The following PPL variants were observed in gnomAD, a reference collection of about 807,000 sequenced individuals.
The protein encoded by PPL is periplakin, also known as 190 kDa paraneoplastic pemphigus antigen.
Under a neutral mutation model 194.4 loss-of-function variants are expected in PPL, and 198 were observed. The ratio of observed to expected loss-of-function variants is 1.02; its 90% CI spans 0.91 to 1.15. The LOEUF (loss-of-function observed/expected upper bound fraction) is 1.15, where lower values mean the gene tolerates loss of function less well. PPL is among the 50% of genes most tolerant of loss of function. The probability of loss-of-function intolerance (pLI) is 0.00; values close to 1 mark genes in which losing one functional copy is unlikely to be tolerated. For synonymous variants in PPL, 1,220 were observed against 972.4 expected (o/e 1.25, Z -4.74); for missense variants, 2,885 against 2,294.8 (o/e 1.26, Z -5.25).
At chr16:4,907,586 G>A (rs2142378355) in intron 2 of PPL, among the ~76,000 whole-genome samples, 1 of 152,176 alleles carries the variant, frequency 6.6e-6, no homozygotes, top group East Asian at 1.9e-4. Context: ...TAAGGGTGTG[G>A]GGTTTGGCTC....
intron 13 of PPL, 36 bp from the exon 14 acceptor site, chr16:4,893,406 A>G: frequency 6.3e-7 from 1 of 1,599,888 alleles, no homozygotes; most frequent in Non-Finnish European, 8.5e-7. Context: ...AGGTGTGACA[A>G]CGGGCCAGGG....
chr16:4,911,408 T>C (rs551720702), intron 1 of PPL, among the ~76,000 whole-genome samples: 2 of 152,026 alleles, frequency 1.3e-5, no homozygotes, highest in African/African-American at 2.4e-5. Context: ...GTGATCCACC[T>C]ATCTTGGCCT....
intron 18 of PPL, 35 bp from the exon 19 acceptor site, chr16:4,889,096 G>C: frequency 6.3e-7 from 1 of 1,585,798 alleles, no homozygotes; most frequent in Non-Finnish European, 8.6e-7. Context: ...AAACTAACCA[G>C]AAAAAAAATT....
intron 18 of PPL, among the ~76,000 whole-genome samples, chr16:4,889,666 C>G: frequency 6.6e-6 from 1 of 152,174 alleles, no homozygotes; most frequent in East Asian, 1.9e-4. Context: ...TGCTGTCTGA[C>G]TTAGATTATC....
chr16:4,906,333 T>C (rs2088681949), intron 2 of PPL, among the ~76,000 whole-genome samples: 1 of 152,196 alleles, frequency 6.6e-6, no homozygotes, highest in African/African-American at 2.4e-5. Flanking sequence ...CACACCATTA[T>C]CCTGCCTCAG....
chr16:4,902,365 C>T lies in PPL; in HGVS notation c.438+41G>A. 1.9e-6 allele frequency: 3 copies of T among 1,610,328 alleles called. No individual in the cohort carries two copies. The highest frequency in any genetic ancestry group is 2.5e-6 in the Non-Finnish European group (3 of 1,178,030). On this transcript the variant is annotated intron_variant, in intron 4 of 21. Coordinates refer to ENST00000345988, the MANE Select transcript of PPL (RefSeq NM_002705.5). The surrounding 1 kb of genome is among the most constrained non-coding windows in gnomAD (Gnocchi z 4.0). ...CCCTGCACACGCACAGCCCCCTCCC[C>T]AGCTGAAACCCTGGAGCCAGCGGCC...
In PPL at chr16:4,883,747, C is replaced by T. The variant is rs1325662319; in HGVS notation, c.4908G>A (p.Leu1636=). ...SKDKDLEIDE[L]QKRLGSVAVK... ...CGGCCACGGAGCCCAGGCGCTTCTGCAGCTCGTCGATCTCGAGGTCTTTGT... is the reference window on the plus strand; with the variant it reads ...CGGCCACGGAGCCCAGGCGCTTCTGTAGCTCGTCGATCTCGAGGTCTTTGT... The change falls in exon 22 of 22, where the codon CTG becomes CTA. Residue 1636 remains leucine (L), a synonymous_variant. Coordinates refer to ENST00000345988, the MANE Select transcript of PPL (RefSeq NM_002705.5). This position sits in a 1 kb window ranked among gnomAD's most constrained non-coding sequence, Gnocchi z 4.8. 6.2e-7 allele frequency: 1 copy of T among 1,614,038 alleles called. No individual in the cohort carries two copies. The highest frequency in any genetic ancestry group is 8.5e-7 in the Non-Finnish European group (1 of 1,180,020).
At chr16:4,921,223 A>C (rs755656666) in intron 1 of PPL, among the ~76,000 whole-genome samples, 2 of 152,222 alleles carry the variant, frequency 1.3e-5, no homozygotes, top group Non-Finnish European at 2.9e-5. Flanking sequence ...TGGAACCAGC[A>C]GGTCAGGAGG....
chr16:4,896,724 C>T lies in PPL; in HGVS notation c.972+951G>A, dbSNP rs189398019. Among the ~76,000 whole-genome samples, 20 of 150,944 alleles carry T rather than the reference C, an allele frequency of 1.3e-4. No homozygotes were observed. The East Asian group carries it at 3.8e-3, about 28-fold the overall frequency. ...GCGCGATCTCAGCTCACTGCAACCT[C>T]TGCCTCCTGGGTTCAAGCAGTTCTC... On this transcript the variant is annotated intron_variant, in intron 9 of 21. Coordinates refer to ENST00000345988, the MANE Select transcript of PPL (RefSeq NM_002705.5).
intron 9 of PPL, among the ~76,000 whole-genome samples, chr16:4,896,782 T>C (rs894674433): frequency 4.6e-5 from 7 of 151,858 alleles, no homozygotes; most frequent in African/African-American, 1.7e-4. Flanking sequence ...ACTACAGATA[T>C]GGGCCACCAC....
intron 2 of PPL, among the ~76,000 whole-genome samples, chr16:4,908,445 T>TCTCA (rs138719548): frequency 3.6e-4 from 55 of 151,360 alleles, no homozygotes; most frequent in Non-Finnish European, 3.8e-4. Context: ...TCTCTCTCTC[T>TCTCA]CACACACATA....
At chr16:4,909,423 C>T (rs1313731268) in intron 2 of PPL, among the ~76,000 whole-genome samples, 1 of 124,556 alleles carries the variant, frequency 8.0e-6, no homozygotes, top group Non-Finnish European at 1.7e-5. Context: ...TCTGGTCCCA[C>T]CTTTTTTTTT....
At chr16:4,931,985 G>C (rs952603773) in intron 1 of PPL, among the ~76,000 whole-genome samples, 3 of 152,160 alleles carry the variant, frequency 2.0e-5, no homozygotes, top group African/African-American at 7.2e-5. Context: ...GGGGTTGCTG[G>C]GGGTAGAGGC....
intron 17 of PPL, 112 bp from the exon 18 acceptor site, chr16:4,890,446 A>T: frequency 7.6e-7 from 1 of 1,318,822 alleles, no homozygotes. Context: ...GAAATACCCC[A>T]AGTATCTCCC....
chr16:4,922,604 G>C (rs975194939), intron 1 of PPL, among the ~76,000 whole-genome samples: 6 of 152,312 alleles, frequency 3.9e-5, no homozygotes, highest in Admixed American at 3.9e-4. Context: ...GGAGGTTGTA[G>C]TGAGCCGAGA....
Position 4,899,112 on chromosome 16 carries a change from G to C in PPL, c.777C>G (p.Ile259Met). 2 of 1,613,894 alleles carry C rather than the reference G, an allele frequency of 1.2e-6. No individual in the cohort carries two copies. The highest frequency in any genetic ancestry group is 2.2e-5 in the East Asian group (1 of 44,870). Residue 259 changes from isoleucine (I) to methionine (M), a missense_variant, in exon 8 of 22, where the codon ATC becomes ATG. Physicochemically the swap from Ile to Met is conservative, Grantham distance 10. Coordinates refer to ENST00000345988, the MANE Select transcript of PPL (RefSeq NM_002705.5). ...PSRRRQYENF[I>M]NRNLEAKEER... ...CCTCTTTGGCCTCCAGGTTCCGGTT[G>C]ATGAAATTCTGCAGTGGGGGGCAGT...
Position 4,884,577 on chromosome 16 carries a change from C to T in PPL, c.4078G>A (p.Glu1360Lys), listed in dbSNP as rs1425775065. Residue 1360 changes from glutamate (E) to lysine (K), a missense_variant, in exon 22 of 22, where the codon GAG becomes AAG. Transcript: ENST00000345988. This position sits in a 1 kb window ranked among gnomAD's most constrained non-coding sequence, Gnocchi z 5.7. ...VVQQEVVRYE[E>K]EPGLRAEASA... ...GCCTCGGCCCGCAGGCCTGGCTCCT[C>T]CTCATACCTGACCACCTCCTGCTGC... The T allele has an allele frequency of 1.2e-6, 2 of 1,614,112 alleles. No individual in the cohort carries two copies. Among genetic ancestry groups the T allele is most frequent in the Non-Finnish European group, 1.7e-6 (2 of 1,180,006 alleles).
chr16:4,932,390 G>A (rs1284426099), intron 1 of PPL, among the ~76,000 whole-genome samples: 2 of 151,978 alleles, frequency 1.3e-5, no homozygotes, highest in Non-Finnish European at 2.9e-5. Context: ...GGTCAGCTCT[G>A]GGCTTGGCTC....
chr16:4,918,619 T>G (rs541579254), intron 1 of PPL, among the ~76,000 whole-genome samples: 1 of 152,248 alleles, frequency 6.6e-6, no homozygotes, highest in Non-Finnish European at 1.5e-5. Context: ...ATGGGGAAAT[T>G]GAGGTACAAA....
Sources: gnomAD v4.1 joint callset for allele counts (sites outside exome capture counted in the v4.1 genomes callset) on GRCh38, gnomAD v4.1.1 for gene constraint, Gnocchi (gnomAD v3.1) non-coding constraint, MANE v1.5 for transcripts, NCBI Gene and HGNC (gene_info 2026-07-23, HGNC 2026-07-21) for gene names.